CES5A: variants seen among roughly 807,000 people sequenced by gnomAD.
CES5A encodes carboxylesterase 5.
CES5A carries 67 observed loss-of-function variants against 62.9 expected under a neutral mutation model. The ratio of observed to expected loss-of-function variants is 1.07; its 90% CI spans 0.88 to 1.31. The LOEUF is 1.31. Ranked by LOEUF, CES5A falls within the 50% of genes most tolerant of loss-of-function variation. The pLI, the probability that CES5A is intolerant of heterozygous loss-of-function variation, is 0.00. For missense variants in CES5A, 748 were observed against 708.5 expected, an observed-to-expected ratio of 1.06 and a Z score of -0.63; for synonymous variants, 296 against 280.8, an observed-to-expected ratio of 1.05 and a Z score of -0.54.
In CES5A at chr16:55,871,746, T is replaced by C. The variant is rs1228343440; in HGVS notation, c.296A>G (p.Glu99Gly). ...CATATGTTGATCTAAGAGCAGCCAC[T>C]CTGAGTTCTGGAGGCACCTTGGAGA... Reference protein sequence around the residue: ...SYPNLCLQNSEWLLLDQHMLK... With the variant: ...SYPNLCLQNSGWLLLDQHMLK... The change falls in exon 3 of 13, where the codon GAG (glutamate) becomes GGG (glycine). Residue 99 changes from glutamate to glycine, a missense_variant. Physicochemically the swap from Glu to Gly is moderately conservative, Grantham distance 98 (BLOSUM62 -2). Coordinates refer to ENST00000290567, the MANE Select transcript of CES5A (RefSeq NM_001143685.2). 1.2e-6 allele frequency: 2 copies of C among 1,613,994 alleles called. No individual in the cohort carries two copies. Among genetic ancestry groups the C allele is most frequent in the East Asian group, 4.5e-5 (2 of 44,882 alleles).
At chr16:55,866,810 C>T (rs1220234077) in intron 4 of CES5A, among the ~76,000 whole-genome samples, 1 of 151,750 alleles carries the variant, frequency 6.6e-6, no homozygotes, top group Non-Finnish European at 1.5e-5. Context: ...TGCACTCCAG[C>T]CTGGGCAATA....
chr16:55,933,421 G>A (rs1183349447), intron 2 of CES5A, among the ~76,000 whole-genome samples: 1 of 152,200 alleles, frequency 6.6e-6, no homozygotes, highest in African/African-American at 2.4e-5. Flanking sequence ...AATGGGAAGA[G>A]TAAGGGATAA....
rs141816282 is a variant in CES5A at position 55,889,920 on chromosome 16, CTT to C, written c.-255-15885_-255-15884del. ...GTTAGGAAATGAAGGATGAAGATCA[CTT>C]ATATATTTCACAATATCACAGTGGG... On this transcript the variant is annotated intron_variant, in intron 1 of 12. Coordinates refer to the CES5A transcript ENST00000518005. Among the ~76,000 whole-genome samples the C allele has an allele frequency of 3.7e-3, 560 of 152,230 alleles. 4 individuals carry two copies. Among genetic ancestry groups the C allele is most frequent in the African/African-American group, 0.012 (485 of 41,538 alleles).
At chr16:55,935,770 A>T (rs2034367547) in intron 2 of CES5A, among the ~76,000 whole-genome samples, 1 of 150,894 alleles carries the variant, frequency 6.6e-6, no homozygotes, top group Non-Finnish European at 1.5e-5. Flanking sequence ...TCTCCTGGTG[A>T]TGTTTCATTC....
intron 1 of CES5A, among the ~76,000 whole-genome samples, chr16:55,888,919 G>T (rs1335435879): frequency 1.3e-5 from 2 of 152,078 alleles, no homozygotes; most frequent in Admixed American, 6.6e-5. Flanking sequence ...GACATTTTGG[G>T]TTCACTTTGC....
intron 1 of CES5A, among the ~76,000 whole-genome samples, chr16:55,909,648 C>T (rs1460266916): frequency 7.9e-5 from 12 of 152,022 alleles, no homozygotes; most frequent in Non-Finnish European, 5.9e-5. Context: ...TCTGAGCTAC[C>T]ATGAATAAGA....
rs754380588 is a variant in CES5A, at chr16:55,873,867, C to T, written c.244G>A (p.Asp82Asn). Residue 82 changes from aspartate (D) to asparagine (N), a missense_variant, in exon 2 of 13, where the codon GAT becomes AAT. By Grantham distance (23) the Asp-to-Asn change is conservative. Transcript: ENST00000290567. ...FTNPQPASPW[D>N]NLREATSYPN... is the part of the protein sequence containing the mutation. ...TAGGAGGTGGCTTCTCGCAAGTTAT[C>T]CCAGGGCGATGCAGGCTGCGGGTTC... 37 of 1,613,608 alleles carry T rather than the reference C, an allele frequency of 2.3e-5. No individual in the cohort carries two copies. Among genetic ancestry groups the T allele is most frequent in the South Asian group, 6.6e-5 (6 of 90,814 alleles).
At chr16:55,918,717 C>CGGG (rs2034171879) in intron 1 of CES5A, among the ~76,000 whole-genome samples, 1 of 152,148 alleles carries the variant, frequency 6.6e-6, no homozygotes, top group African/African-American at 2.4e-5. Context: ...GATCTGAAAC[C>CGGG]ACTTCTGCCT....
rs747825509 is a variant in CES5A at position 55,846,749 on chromosome 16, G to A, written c.1496+19C>T. The A allele has an allele frequency of 1.9e-6, 3 of 1,613,472 alleles. No homozygotes were observed. In the South Asian group the frequency reaches 3.3e-5, roughly 18 times the overall value. ...ACACCCCAGGCCTTGGCATGGGGGA[G>A]ACCGGGAGGTTTACTTACCCGGTTC... On this transcript the variant is annotated intron_variant, in intron 12 of 12. Transcript: ENST00000290567.
In CES5A at chr16:55,849,599, C is replaced by A. The variant is rs199827092; in HGVS notation, c.1423+25G>T. ...GGGTAAGCAAGGGGCTTCATGTGAACTGTGGGAAGTGGCCAGTCCCTTACC... is the reference window on the plus strand; with the variant it reads ...GGGTAAGCAAGGGGCTTCATGTGAAATGTGGGAAGTGGCCAGTCCCTTACC... On this transcript the variant is annotated intron_variant, in intron 11 of 12. Transcript: ENST00000290567. 1.9e-5 allele frequency: 31 copies of A among 1,612,596 alleles called. No individual in the cohort carries two copies. The Admixed American group carries it at 5.0e-4, about 26-fold the overall frequency.
rs753892686 is a variant in CES5A, at chr16:55,866,085, C to T, written c.583G>A (p.Ala195Thr). Residue 195 changes from alanine (A) to threonine (T), a missense_variant, in exon 5 of 13, where the codon GCC becomes ACC. Transcript: ENST00000290567. ...AGAGCAGCCACCTGGTCCTTGAAGG[C>T]CCAGTTCCCCGGAGCATGCTGATCC... Reference protein sequence around the residue: ...TWDQHAPGNWAFKDQVAALSW... With the variant: ...TWDQHAPGNWTFKDQVAALSW... 7 of 1,613,850 alleles carry T rather than the reference C, an allele frequency of 4.3e-6. No individual in the cohort carries two copies. The South Asian group carries it at 6.6e-5, about 15-fold the overall frequency.
chr16:55,855,095 C>T (rs1319473666), intron 9 of CES5A, among the ~76,000 whole-genome samples: 1 of 152,212 alleles, frequency 6.6e-6, no homozygotes, highest in Non-Finnish European at 1.5e-5. Context: ...GCTGCCTGTC[C>T]CCTCCTGTGG....
In CES5A at chr16:55,912,627, G is replaced by A. The variant is rs771610229; in HGVS notation, c.-256+12696C>T. ...GGAGGAGGAAGAGGAGGAAGAGAAG[G>A]AGCAGGGAAAAGACCAGGAGGAGGG... On this transcript the variant is annotated intron_variant, in intron 1 of 12. Transcript: ENST00000518005. Among the ~76,000 whole-genome samples, 3 of 152,062 alleles carry A rather than the reference G, an allele frequency of 2.0e-5. No homozygotes were observed. The South Asian group carries it at 6.2e-4, about 32-fold the overall frequency.
chr16:55,917,765 A>T (rs2034162476), intron 1 of CES5A, among the ~76,000 whole-genome samples: 2 of 152,174 alleles, frequency 1.3e-5, no homozygotes, highest in South Asian at 4.1e-4. Flanking sequence ...AAGGATAGCG[A>T]ATTACAGAGG....
Position 55,873,877 on chromosome 16 carries a change from TGCAG to T in CES5A, c.230_233del (p.Pro77HisfsTer26), listed in dbSNP as rs2033645108. The T allele has an allele frequency of 2.5e-6, 4 of 1,613,734 alleles. No individual in the cohort carries two copies. The Admixed American group carries it at 6.7e-5, about 27-fold the overall frequency. ...CTTCTCGCAAGTTATCCCAGGGCGATGCAGGCTGCGGGTTCGTAAATCGCAGGGA... is the reference window on the plus strand; with the variant it reads ...CTTCTCGCAAGTTATCCCAGGGCGATGCTGCGGGTTCGTAAATCGCAGGGA... On this transcript the variant is annotated frameshift_variant, in exon 2 of 13. Transcript: ENST00000290567. LOFTEE classifies it high-confidence loss of function.
intron 1 of CES5A, among the ~76,000 whole-genome samples, chr16:55,897,777 G>T (rs1597140195): frequency 6.6e-6 from 1 of 152,160 alleles, no homozygotes; most frequent in Non-Finnish European, 1.5e-5. Flanking sequence ...CACATTATTT[G>T]TAATAGTAAA....
At position 55,908,912 on chromosome 16, in the gene CES5A, G is replaced by A. The variant is rs539371769; in HGVS notation, c.-256+16411C>T. Among the ~76,000 whole-genome samples, 29 of 152,266 alleles carry A rather than the reference G, an allele frequency of 1.9e-4. No individual in the cohort carries two copies. In the South Asian group the frequency reaches 5.8e-3, roughly 30 times the overall value. ...GTGGCTCCCCTTCTCAGGGGCTGAGGGCTGAACCCTTCTTCCTCCTTTCTC... is the reference window on the plus strand; with the variant it reads ...GTGGCTCCCCTTCTCAGGGGCTGAGAGCTGAACCCTTCTTCCTCCTTTCTC... On this transcript the variant is annotated intron_variant, in intron 1 of 12. Coordinates refer to the CES5A transcript ENST00000518005.
At chr16:55,944,171 G>T in intron 2 of CES5A, 2 of 699,454 alleles carry the variant, frequency 2.9e-6, no homozygotes, top group Non-Finnish European at 5.2e-6. Context: ...GTATTGTGAA[G>T]ACTTGGGTCC....
intron 1 of CES5A, among the ~76,000 whole-genome samples, chr16:55,908,889 G>A (rs2034065377): frequency 6.6e-6 from 1 of 152,196 alleles, no homozygotes. Flanking sequence ...GCTCCAGAGT[G>A]GCTCCCCTTC....
Sources: gnomAD v4.1 joint callset for allele counts (sites outside exome capture counted in the v4.1 genomes callset) on GRCh38, gnomAD v4.1.1 for gene constraint, MANE v1.5 for transcripts, NCBI Gene and HGNC (gene_info 2026-07-23, HGNC 2026-07-21) for gene names.